The following TXNDC5 variants were observed in gnomAD, a reference collection of about 807,000 sequenced individuals.
The protein encoded by TXNDC5 is thioredoxin domain containing 5, also known as thioredoxin domain-containing protein 5.
Under a neutral mutation model 52.6 loss-of-function variants are expected in TXNDC5, and 44 were observed. The observed-to-expected ratio is 0.84, with a 90% CI of 0.66 to 1.08. The LOEUF (loss-of-function observed/expected upper bound fraction) is 1.08. TXNDC5 is among the 50% of genes least tolerant of loss of function. The probability of loss-of-function intolerance (pLI) is 0.00; values close to 1 mark genes in which losing one functional copy is unlikely to be tolerated. For missense variants in TXNDC5, 600 were observed against 565.5 expected, an observed-to-expected ratio of 1.06 and a Z score of -0.62; for synonymous variants, 241 against 234.4, an observed-to-expected ratio of 1.03 and a Z score of -0.26.
intron 1 of TXNDC5, among the ~76,000 whole-genome samples, chr6:7,906,147 A>G (rs1236553280): frequency 1.3e-5 from 2 of 151,238 alleles, no homozygotes; most frequent in African/African-American, 4.9e-5. Context: ...AGGCTGAGGC[A>G]GAGGGATCAC....
At position 7,882,968 on chromosome 6, in the gene TXNDC5, A is replaced by C; in HGVS notation, c.*176T>G. The C allele has an allele frequency of 1.3e-6, 1 of 759,656 alleles. No individual in the cohort carries two copies. The highest frequency in any genetic ancestry group is 2.0e-6 in the Non-Finnish European group (1 of 496,812). The allele number at this position is 759,656 out of a possible 1,614,324, so 47.1% of individuals were successfully genotyped here. On this transcript the variant is annotated 3_prime_UTR_variant, in exon 10 of 10. Transcript: ENST00000379757. Reference sequence around the variant, plus strand: ...TTTACTTAGAGAAACTTAACTTAATAAAGAATCTGTAGAGTGTGTTGGCTT... The same window carrying C: ...TTTACTTAGAGAAACTTAACTTAATCAAGAATCTGTAGAGTGTGTTGGCTT...
At chr6:7,892,886 G>GCCT (rs1760242922) in intron 4 of TXNDC5, among the ~76,000 whole-genome samples, 1 of 152,204 alleles carries the variant, frequency 6.6e-6, no homozygotes, top group Non-Finnish European at 1.5e-5. Context: ...TTCCACAAAT[G>GCCT]TCAGGCAAGT....
chr6:7,902,903 A>G (rs1378324357), intron 2 of TXNDC5, among the ~76,000 whole-genome samples: 1 of 152,172 alleles, frequency 6.6e-6, no homozygotes, highest in African/African-American at 2.4e-5. Context: ...TTTGGTGAAT[A>G]CCAACTATGG....
At position 7,894,607 on chromosome 6, in the gene TXNDC5, A is replaced by C. The variant is rs555606671; in HGVS notation, c.616+499T>G. The C allele has an allele frequency of 1.7e-4, 112 of 658,818 alleles. 1 individual carries two copies. In the African/African-American group the frequency reaches 2.1e-3, roughly 12 times the overall value. 40.8% of individuals were successfully genotyped at this position (658,818 alleles called of 1,614,324 possible). A position where few individuals can be genotyped will look rare whatever the true frequency, so the allele number is the denominator to read the frequency against. On this transcript the variant is annotated intron_variant, in intron 4 of 9. Coordinates refer to ENST00000379757, the MANE Select transcript of TXNDC5 (RefSeq NM_030810.5). Reference sequence around the variant, plus strand: ...GTTATGTTTACACTATAGTCTATGAAATGTGCTACAGCATTACTTCTTTAA... The same window carrying C: ...GTTATGTTTACACTATAGTCTATGACATGTGCTACAGCATTACTTCTTTAA...
intron 7 of TXNDC5, among the ~76,000 whole-genome samples, chr6:7,887,324 C>T: frequency 6.6e-6 from 1 of 152,184 alleles, no homozygotes; most frequent in East Asian, 1.9e-4. Context: ...GCCGCAGCCC[C>T]AGGCTCATGG....
chr6:7,910,071 T>C, intron 1 of TXNDC5: 2 of 986,074 alleles, frequency 2.0e-6, no homozygotes, highest in Non-Finnish European at 2.4e-6. Context: ...CAAGAGGCGG[T>C]TGAATTCAGG....
rs1355419541 is a variant in TXNDC5 at position 7,884,471 on chromosome 6, G to A, written c.1064C>T (p.Thr355Ile). ...GAGTTCCTCCCAAGTAGGAGCCAGA[G>A]TCTTACAATGACCACACCTAAGACG... ...FYAPWCGHCK[T>I]LAPTWEELSK... Residue 355 changes from threonine to isoleucine, a missense_variant, in exon 9 of 10, where the codon ACT becomes ATT. Transcript: ENST00000379757. 1 of 1,614,112 alleles carries A rather than the reference G, an allele frequency of 6.2e-7. No homozygotes were observed. Among genetic ancestry groups the A allele is most frequent in the Non-Finnish European group, 8.5e-7 (1 of 1,179,988 alleles).
intron 2 of TXNDC5, among the ~76,000 whole-genome samples, chr6:7,903,144 CA>C (rs1760622007): frequency 6.6e-6 from 1 of 152,224 alleles, no homozygotes; most frequent in Non-Finnish European, 1.5e-5. Context: ...ACTTTGAAAG[CA>C]ACAGTTTCTC....
intron 1 of TXNDC5, chr6:7,909,968 G>A (rs1408959092): frequency 1.0e-6 from 1 of 985,994 alleles, no homozygotes; most frequent in Non-Finnish European, 1.2e-6. Flanking sequence ...CAGGAAGTTT[G>A]GGGCGCTGGG....
In TXNDC5 at chr6:7,883,084, C is replaced by A. The variant is rs1759824591; in HGVS notation, c.*60G>T. 1.9e-6 allele frequency: 3 copies of A among 1,609,714 alleles called. No individual in the cohort carries two copies. In the East Asian group the frequency reaches 6.7e-5, roughly 36 times the overall value. On this transcript the variant is annotated 3_prime_UTR_variant, in exon 10 of 10. Transcript: ENST00000379757. ...TGGGAACCCAGTGGCCTCTGTGGGA[C>A]TGAACTCCTAAACGCAGGGTGCGGG...
At position 7,883,103 on chromosome 6, in the gene TXNDC5, G is replaced by T. The variant is rs1425840593; in HGVS notation, c.*41C>A. 1.9e-6 allele frequency: 3 copies of T among 1,613,372 alleles called. No homozygotes were observed. Among genetic ancestry groups the T allele is most frequent in the Non-Finnish European group, 2.5e-6 (3 of 1,179,786 alleles). Reference sequence around the variant, plus strand: ...GTGGGACTGAACTCCTAAACGCAGGGTGCGGGAGCTGGGCAGGAGAGGTGA... The same window carrying T: ...GTGGGACTGAACTCCTAAACGCAGGTTGCGGGAGCTGGGCAGGAGAGGTGA... On this transcript the variant is annotated 3_prime_UTR_variant, in exon 10 of 10. Transcript: ENST00000379757.
intron 1 of TXNDC5, 51 bp from the exon 2 acceptor site, chr6:7,904,774 C>T (rs1341929614): frequency 6.2e-7 from 1 of 1,611,028 alleles, no homozygotes. Context: ...CACAGGGCAG[C>T]TGGCCCACAA....
chr6:7,883,032 A>G lies in TXNDC5; in HGVS notation c.*112T>C. ...ACAAAGAAGATACCTCACGCTTAGT[A>G]TGTTCTGCTTTCTGAACAGCCACCA... is the stretch of plus-strand genomic sequence containing the variant. On this transcript the variant is annotated 3_prime_UTR_variant, in exon 10 of 10. Transcript: ENST00000379757. 2.1e-6 allele frequency: 3 copies of G among 1,432,660 alleles called. No homozygotes were observed. Among genetic ancestry groups the G allele is most frequent in the East Asian group, 2.3e-5 (1 of 42,964 alleles). 88.7% of individuals were successfully genotyped at this position (1,432,660 alleles called of 1,614,324 possible).
intron 8 of TXNDC5, 65 bp downstream of exon 8, chr6:7,885,896 G>T: frequency 6.7e-7 from 1 of 1,491,844 alleles, no homozygotes; most frequent in Non-Finnish European, 9.3e-7. Context: ...TGGCAGATGA[G>T]CTGAAAAACA....
chr6:7,892,217 G>C lies in TXNDC5; in HGVS notation c.617-481C>G, dbSNP rs534748237. Among the ~76,000 whole-genome samples the C allele has an allele frequency of 3.3e-5, 5 of 152,228 alleles. No homozygotes were observed. In the South Asian group the frequency reaches 6.2e-4, roughly 19 times the overall value. On this transcript the variant is annotated intron_variant, in intron 4 of 9. Coordinates refer to ENST00000379757, the MANE Select transcript of TXNDC5 (RefSeq NM_030810.5). ...GACGTTCTGTGCCCCCACCAGCTAT[G>C]AGGTCTTCTTGTGCCCCCAAAAAAC...
intron 9 of TXNDC5, among the ~76,000 whole-genome samples, chr6:7,884,129 C>T (rs1759869213): frequency 6.6e-6 from 1 of 152,106 alleles, no homozygotes; most frequent in South Asian, 2.1e-4. Context: ...GACAGCAAGG[C>T]CTGAAAACCT....
intron 3 of TXNDC5, among the ~76,000 whole-genome samples, chr6:7,898,922 T>C (rs758330221): frequency 3.3e-5 from 5 of 152,090 alleles, no homozygotes; most frequent in African/African-American, 4.8e-5. Flanking sequence ...AGAGTATTAA[T>C]GGTACAAAAT....
chr6:7,884,009 G>C (rs17696707), intron 9 of TXNDC5, among the ~76,000 whole-genome samples: 1 of 152,066 alleles, frequency 6.6e-6, no homozygotes, highest in Admixed American at 6.5e-5. Flanking sequence ...TGAGCGACTC[G>C]GGTATTTATG....
intron 2 of TXNDC5, among the ~76,000 whole-genome samples, chr6:7,904,306 C>T (rs537089688): frequency 2.6e-5 from 4 of 152,160 alleles, no homozygotes; most frequent in East Asian, 3.9e-4. Context: ...TAAAATGTAC[C>T]GGTGAACATC....
Sources: gnomAD v4.1 joint callset for allele counts (sites outside exome capture counted in the v4.1 genomes callset) on GRCh38, gnomAD v4.1.1 for gene constraint, MANE v1.5 for transcripts, NCBI Gene and HGNC (gene_info 2026-07-23, HGNC 2026-07-21) for gene names.